Variants in SLC16A6 observed in about 807,000 individuals in gnomAD.
SLC16A6 encodes the protein monocarboxylate transporter 7.
SLC16A6 carries 15 observed loss-of-function variants against 33.8 expected under a neutral mutation model. The ratio of observed to expected loss-of-function variants is 0.44; its 90% CI spans 0.30 to 0.68. SLC16A6 has a LOEUF of 0.68. Among genes scored for constraint, SLC16A6 ranks in the 30% least tolerant of loss-of-function variants. The probability of loss-of-function intolerance (pLI) is 0.10; values close to 1 mark genes in which losing one functional copy is unlikely to be tolerated. For missense variants in SLC16A6, 451 were observed against 661.5 expected (o/e 0.68, Z 3.49); for synonymous variants, 219 against 248.4 (o/e 0.88, Z 1.11).
At chr17:68,289,040 T>C (rs1018906437) in intron 1 of SLC16A6, among the ~76,000 whole-genome samples, 5 of 152,150 alleles carry the variant, frequency 3.3e-5, no homozygotes, top group Admixed American at 3.3e-4. Context: ...TGTGGTTAAG[T>C]GTCCCCTTAA....
chr17:68,278,617 CTTT>C (rs56870988), intron 1 of SLC16A6, among the ~76,000 whole-genome samples: 1,700 of 111,964 alleles, frequency 0.015, 33 homozygotes, highest in African/African-American at 0.058. Flanking sequence ...TTTCTTTTTC[CTTT>C]TTTTTTTTTT....
At chr17:68,278,521 C>T (rs1555751766) in intron 1 of SLC16A6, among the ~76,000 whole-genome samples, 194 bp from the exon 2 acceptor site, 1 of 152,020 alleles carries the variant, frequency 6.6e-6, no homozygotes, top group Non-Finnish European at 1.5e-5. Context: ...ATGATCTCAG[C>T]TCACTGCAAC....
Position 68,269,315 on chromosome 17 carries a change from G to A in SLC16A6, c.1353C>T (p.Ser451=). The A allele has an allele frequency of 8.0e-7, 1 of 1,247,920 alleles. No homozygotes were observed. Among genetic ancestry groups the A allele is most frequent in the Non-Finnish European group, 1.1e-6 (1 of 909,452 alleles). The allele number at this position is 1,247,920 out of a possible 1,614,324, so 77.3% of individuals were successfully genotyped here. ...CAGCTGCGCAGGAGTAGAAGGCCCT[G>A]CTGTAGATCTTACTTTGGTCCACCA... ...GLLVDQSKIY[S]RAFYSCAAGM... Residue 451 remains serine, a synonymous_variant, in exon 6 of 6, where the codon AGC becomes AGT. Transcript: ENST00000580666.
At chr17:68,278,059 C>T (rs782153368) in intron 2 of SLC16A6, 30 bp downstream of exon 2, 24 of 1,518,744 alleles carry the variant, frequency 1.6e-5, no homozygotes, top group South Asian at 4.5e-5. Flanking sequence ...CCTATACTTA[C>T]GTCATGGTTA....
chr17:68,267,407 C>G lies in SLC16A6; in HGVS notation c.*1689G>C, dbSNP rs550816266. ...AGACACTTTGTCATTTCCTCCCCCA[C>G]CCTCCCCAAAGTTTTATAGATTGTC... is the stretch of plus-strand genomic sequence containing the variant. On this transcript the variant is annotated 3_prime_UTR_variant, in exon 6 of 6. Coordinates refer to ENST00000580666, the MANE Select transcript of SLC16A6 (RefSeq NM_004694.5). 4.6e-5 allele frequency: 7 copies of G among 152,270 alleles called. No homozygotes were observed. Among genetic ancestry groups the G allele is most frequent in the East Asian group, 1.9e-4 (1 of 5,190 alleles). The allele number at this position is 152,270 out of a possible 1,614,324, so 9.4% of individuals were successfully genotyped here. A position where few individuals can be genotyped will look rare whatever the true frequency, so the allele number is the denominator to read the frequency against.
intron 2 of SLC16A6, among the ~76,000 whole-genome samples, chr17:68,277,116 C>CTGGTA (rs1280151259): frequency 9.9e-5 from 15 of 152,016 alleles, no homozygotes; most frequent in African/African-American, 2.9e-4. Flanking sequence ...AGATTGGGGC[C>CTGGTA]TGGTATGTCA....
chr17:68,288,706 G>A (rs782778443), intron 1 of SLC16A6, among the ~76,000 whole-genome samples: 15 of 152,160 alleles, frequency 9.9e-5, no homozygotes, highest in Non-Finnish European at 2.1e-4. Flanking sequence ...GCCTTTGACC[G>A]TCACTTGCTT....
In SLC16A6 at chr17:68,272,807, A is replaced by G. The variant is rs962202525; in HGVS notation, c.377-40T>C. 3.7e-6 allele frequency: 6 copies of G among 1,609,444 alleles called. No individual in the cohort carries two copies. The South Asian group carries it at 6.6e-5, about 18-fold the overall frequency. On this transcript the variant is annotated intron_variant, in intron 3 of 5. Coordinates refer to ENST00000580666, the MANE Select transcript of SLC16A6 (RefSeq NM_004694.5). ...TCAAAAAAGCCAATGAGACCCACATACTGCTTGAGACTGGAAGGATGCATT... is the reference window on the plus strand; with the variant it reads ...TCAAAAAAGCCAATGAGACCCACATGCTGCTTGAGACTGGAAGGATGCATT...
At chr17:68,272,611 C>T in intron 4 of SLC16A6, 28 bp downstream of exon 4, 1 of 1,608,734 alleles carries the variant, frequency 6.2e-7, no homozygotes. Context: ...CATCCACATT[C>T]ATACTTAGGC....
upstream of SLC16A6, chr17:68,291,231 G>T (rs2075974681): frequency 1.3e-5 from 2 of 151,482 alleles, no homozygotes; most frequent in Non-Finnish European, 3.0e-5. Context: ...GTTGGCTCGG[G>T]CTGGTGAGGC....
intron 2 of SLC16A6, among the ~76,000 whole-genome samples, chr17:68,276,300 G>C (rs2075517951): frequency 6.6e-6 from 1 of 151,942 alleles, no homozygotes. Context: ...AAAACATGTA[G>C]AACTGCCTTG....
chr17:68,272,235 G>A (rs1287478002), intron 4 of SLC16A6, among the ~76,000 whole-genome samples: 1 of 133,232 alleles, frequency 7.5e-6, no homozygotes, highest in Non-Finnish European at 1.7e-5. Flanking sequence ...ACCGTGCTCA[G>A]TTACAGATTT....
At chr17:68,283,877 T>TAAAAA (rs1555753629) in intron 1 of SLC16A6, among the ~76,000 whole-genome samples, 1 of 25,682 alleles carries the variant, frequency 3.9e-5, no homozygotes, top group East Asian at 1.1e-3. Flanking sequence ...AAACTCCGTC[T>TAAAAA]CAAAAAAAAA....
chr17:68,274,179 A>G, intron 2 of SLC16A6, 109 bp from the exon 3 acceptor site: 2 of 1,236,862 alleles, frequency 1.6e-6, no homozygotes, highest in Non-Finnish European at 2.2e-6. Flanking sequence ...GTCGAATATA[A>G]ATATGGCCGA....
intron 1 of SLC16A6, among the ~76,000 whole-genome samples, chr17:68,286,751 C>T (rs1555754460): frequency 6.6e-6 from 1 of 151,874 alleles, no homozygotes; most frequent in East Asian, 1.9e-4. Context: ...GTGATCTGCC[C>T]GCCTTGGCCT....
chr17:68,272,906 G>A, intron 3 of SLC16A6, 139 bp from the exon 4 acceptor site: 1 of 1,009,796 alleles, frequency 9.9e-7, no homozygotes, highest in East Asian at 2.7e-5. Flanking sequence ...TCTGGACAAA[G>A]GTGATGTTGC....
chr17:68,290,677 T>C (rs1181927440), intron 1 of SLC16A6, among the ~76,000 whole-genome samples: 2 of 152,228 alleles, frequency 1.3e-5, no homozygotes, highest in Non-Finnish European at 2.9e-5. Flanking sequence ...GGAAGGTACC[T>C]CTGACATTTC....
intron 1 of SLC16A6, among the ~76,000 whole-genome samples, chr17:68,283,711 C>G (rs1555753585): frequency 6.8e-6 from 1 of 147,756 alleles, no homozygotes; most frequent in African/African-American, 2.5e-5. Context: ...CCTGTCTCTA[C>G]TAAAAAAAAA....
chr17:68,267,481 T>C lies in SLC16A6; in HGVS notation c.*1615A>G, dbSNP rs1555746757. ...CTCTACAAAATGTAGCAGGTGGTGA[T>C]GAACTATGCCACTTTCATTTCAGTG... On this transcript the variant is annotated 3_prime_UTR_variant, in exon 6 of 6. Transcript: ENST00000580666. The C allele has an allele frequency of 6.6e-6, 1 of 152,210 alleles. No homozygotes were observed. The highest frequency in any genetic ancestry group is 1.5e-5 in the Non-Finnish European group (1 of 68,044). 9.4% of individuals were successfully genotyped at this position (152,210 alleles called of 1,614,324 possible). A position where few individuals can be genotyped will look rare whatever the true frequency, so the allele number is the denominator to read the frequency against.
Sources: allele counts gnomAD v4.1 joint callset (sites outside exome capture counted in the v4.1 genomes callset), GRCh38; gene constraint gnomAD v4.1.1; transcripts MANE v1.5; gene names NCBI Gene and HGNC (gene_info 2026-07-23, HGNC 2026-07-21).